The following LINGO2 variants were observed in gnomAD, a reference collection of about 807,000 sequenced individuals.
LINGO2 encodes leucine-rich repeat and immunoglobulin-like domain-containing nogo receptor-interacting protein 2.
Under a neutral mutation model 30.6 loss-of-function variants are expected in LINGO2, and 14 were observed. The ratio of observed to expected loss-of-function variants is 0.46; its 90% CI spans 0.30 to 0.72. LINGO2 has a LOEUF of 0.72. Ranked by LOEUF, LINGO2 falls within the 30% of genes least tolerant of loss-of-function variation. LINGO2 has a pLI of 0.07. For synonymous variants in LINGO2, 317 were observed against 288.5 expected (o/e 1.10, Z -1.00); for missense variants, 729 against 751.7 (o/e 0.97, Z 0.35).
the LINGO2 span, among the ~76,000 whole-genome samples, chr9:28,966,569 C>G: frequency 6.6e-6 from 1 of 152,048 alleles, no homozygotes; most frequent in Non-Finnish European, 1.5e-5. Context: ...TTACTCCTAT[C>G]TTATGCATGA....
At chr9:28,178,834 A>G (rs1423352770) in intron 4 of LINGO2, among the ~76,000 whole-genome samples, 1 of 152,182 alleles carries the variant, frequency 6.6e-6, no homozygotes, top group Admixed American at 6.5e-5. Flanking sequence ...GAAAGGGAAG[A>G]CAAGAAGTGA....
rs111233971 is a variant in LINGO2, at chr9:28,549,303, C to T, written c.-364-73278G>A. Among the ~76,000 whole-genome samples, 729 of 152,064 alleles carry T rather than the reference C, an allele frequency of 4.8e-3. 9 individuals are homozygous for T. The highest frequency in any genetic ancestry group is 0.014 in the African/African-American group (576 of 41,512). On this transcript the variant is annotated intron_variant, in intron 1 of 5. Coordinates refer to ENST00000379992, the Ensembl canonical transcript of LINGO2. Reference sequence around the variant, plus strand: ...TTTCAGTTTGAGTCATGTTAATGAACGCAGTTTTAGTTCATTAATTTAAAA... The same window carrying T: ...TTTCAGTTTGAGTCATGTTAATGAATGCAGTTTTAGTTCATTAATTTAAAA...
At chr9:28,876,338 G>A in the LINGO2 span, among the ~76,000 whole-genome samples, 4 of 151,878 alleles carry the variant, frequency 2.6e-5, no homozygotes, top group Non-Finnish European at 5.9e-5. Flanking sequence ...CCATGCTGGT[G>A]TGCTGCACCC....
At chr9:28,420,292 G>A (rs1823141076) in intron 2 of LINGO2, among the ~76,000 whole-genome samples, 4 of 151,932 alleles carry the variant, frequency 2.6e-5, no homozygotes, top group African/African-American at 4.8e-5. Context: ...TAATTACAAG[G>A]TCAATTTTAG....
chr9:28,297,304 G>T (rs1823959216), intron 3 of LINGO2, among the ~76,000 whole-genome samples: 1 of 152,100 alleles, frequency 6.6e-6, no homozygotes, highest in Admixed American at 6.6e-5. Context: ...GGTAAGTTTT[G>T]TGTATTTTCT....
At chr9:28,050,927 A>G (rs771713487) in intron 4 of LINGO2, among the ~76,000 whole-genome samples, 2 of 151,006 alleles carry the variant, frequency 1.3e-5, no homozygotes, top group Non-Finnish European at 2.9e-5. Flanking sequence ...AATATTGAAA[A>G]CACACTGTAG....
At chr9:27,958,187 T>C (rs781468147) in intron 5 of LINGO2, among the ~76,000 whole-genome samples, 1 of 152,208 alleles carries the variant, frequency 6.6e-6, no homozygotes, top group African/African-American at 2.4e-5. Flanking sequence ...AATGCTTTTC[T>C]GTATCTATGG....
At chr9:28,058,033 T>C (rs1825014314) in intron 4 of LINGO2, among the ~76,000 whole-genome samples, 2 of 152,168 alleles carry the variant, frequency 1.3e-5, no homozygotes. Context: ...TGATAATTTT[T>C]ATATCTTTGG....
At chr9:28,786,657 C>T in the LINGO2 span, among the ~76,000 whole-genome samples, 1 of 152,034 alleles carries the variant, frequency 6.6e-6, no homozygotes, top group African/African-American at 2.4e-5. Flanking sequence ...TCTATGCCTA[C>T]AAAACCCAAA....
chr9:29,136,819 C>G, the LINGO2 span, among the ~76,000 whole-genome samples: 1 of 152,118 alleles, frequency 6.6e-6, no homozygotes, highest in Non-Finnish European at 1.5e-5. Context: ...TACAACTGCT[C>G]ATTTGATACC....
At chr9:28,620,841 G>A (rs531126742) in intron 1 of LINGO2, among the ~76,000 whole-genome samples, 1 of 151,992 alleles carries the variant, frequency 6.6e-6, no homozygotes, top group Admixed American at 6.6e-5. Context: ...TGGAGGGTGG[G>A]AAGAGGGAGA....
At chr9:28,639,348 G>C (rs1192119781) in intron 1 of LINGO2, among the ~76,000 whole-genome samples, 2 of 152,116 alleles carry the variant, frequency 1.3e-5, no homozygotes, top group African/African-American at 4.8e-5. Flanking sequence ...GCTTGGTGTA[G>C]AGCTGAGTTC....
intron 1 of LINGO2, among the ~76,000 whole-genome samples, chr9:28,611,570 T>C (rs1825916554): frequency 6.6e-6 from 1 of 152,150 alleles, no homozygotes; most frequent in African/African-American, 2.4e-5. Flanking sequence ...CCATGGCAAA[T>C]ACCATTCTAC....
intron 5 of LINGO2, among the ~76,000 whole-genome samples, chr9:28,010,143 A>T (rs1387601775): frequency 2.6e-5 from 4 of 152,220 alleles, no homozygotes; most frequent in Admixed American, 6.5e-5. Flanking sequence ...CACGTATTAC[A>T]TGATTCCAGT....
At chr9:28,079,328 C>G (rs2133210470) in intron 4 of LINGO2, among the ~76,000 whole-genome samples, 1 of 152,204 alleles carries the variant, frequency 6.6e-6, no homozygotes, top group South Asian at 2.1e-4. Context: ...TGATAAAAAG[C>G]AACCAGCCAC....
At chr9:28,847,591 AAG>A in the LINGO2 span, among the ~76,000 whole-genome samples, 160 of 146,518 alleles carry the variant, frequency 1.1e-3, 8 homozygotes, top group African/African-American at 3.8e-3. Context: ...AGCAACTCCC[AAG>A]AGTCACATGT....
the LINGO2 span, among the ~76,000 whole-genome samples, chr9:29,120,083 A>G: frequency 6.6e-6 from 1 of 152,096 alleles, no homozygotes; most frequent in Non-Finnish European, 1.5e-5. Context: ...TGAATTTGTC[A>G]TAGGTAGAAA....
Position 28,148,965 on chromosome 9 carries a change from T to C in LINGO2, c.-86-136560A>G. 1 of 1,534,070 alleles carries C rather than the reference T, an allele frequency of 6.5e-7. No homozygotes were observed. The highest frequency in any genetic ancestry group is 8.7e-7 in the Non-Finnish European group (1 of 1,146,742). On this transcript the variant is annotated intron_variant, in intron 4 of 5. Transcript: ENST00000379992. This position sits in a 1 kb window ranked among gnomAD's most constrained non-coding sequence, Gnocchi z 5.1. ...GGCCACAGTTCCCACAAAAGAAAACTGTCGGGGCCACCGCTGCAGCTGCAA... is the reference window on the plus strand; with the variant it reads ...GGCCACAGTTCCCACAAAAGAAAACCGTCGGGGCCACCGCTGCAGCTGCAA...
intron 4 of LINGO2, among the ~76,000 whole-genome samples, chr9:28,058,148 T>G (rs1825018351): frequency 6.6e-6 from 1 of 152,144 alleles, no homozygotes; most frequent in African/African-American, 2.4e-5. Context: ...TAATTCCAGC[T>G]GCTAGTTGAT....
Sources: allele counts gnomAD v4.1 joint callset (sites outside exome capture counted in the v4.1 genomes callset), GRCh38; gene constraint gnomAD v4.1.1; non-coding constraint Gnocchi (gnomAD v3.1); transcripts MANE v1.5; gene names NCBI Gene and HGNC (gene_info 2026-07-23, HGNC 2026-07-21).